VPS26C: variants seen among roughly 807,000 people sequenced by gnomAD.
VPS26C encodes vacuolar protein sorting-associated protein 26C.
VPS26C carries 19 observed loss-of-function variants against 30.6 expected under a neutral mutation model. That is an observed-to-expected ratio of 0.62 (90% CI 0.43 to 0.91). VPS26C has a LOEUF of 0.91. Ranked by LOEUF, VPS26C falls within the 40% of genes least tolerant of loss-of-function variation. VPS26C has a pLI of 0.00. For missense variants in VPS26C, 318 were observed against 385.1 expected (o/e 0.83, Z 1.46); for synonymous variants, 132 against 151.5 (o/e 0.87, Z 0.95).
Position 37,233,591 on chromosome 21 carries a change from TA to T in VPS26C, c.352-150del. 2 of 606,790 alleles carry T rather than the reference TA, an allele frequency of 3.3e-6. No homozygotes were observed. The highest frequency in any genetic ancestry group is 3.0e-6 in the Non-Finnish European group (1 of 335,972). The allele number at this position is 606,790 out of a possible 1,614,324, so 37.6% of individuals were successfully genotyped here. A position where few individuals can be genotyped will look rare whatever the true frequency, so the allele number is the denominator to read the frequency against. On this transcript the variant is annotated intron_variant, in intron 3 of 7. Transcript: ENST00000309117. The surrounding 1 kb of genome is among the most constrained non-coding windows in gnomAD (Gnocchi z 5.2). ...TAGAAAATTAACATACATAATATAATACATAATAGGATAGTTAATGTTCAAA... is the reference window on the plus strand; with the variant it reads ...TAGAAAATTAACATACATAATATAATCATAATAGGATAGTTAATGTTCAAA...
At chr21:37,237,659 T>C (rs2086039057) in intron 3 of VPS26C, 1 of 152,276 alleles carries the variant, frequency 6.6e-6, no homozygotes, top group African/African-American at 2.4e-5. Flanking sequence ...TCTTAGGCAA[T>C]TCATAAAACT....
At chr21:37,251,982 C>A (rs910852659) in intron 1 of VPS26C, among the ~76,000 whole-genome samples, 9 of 152,204 alleles carry the variant, frequency 5.9e-5, no homozygotes, top group Non-Finnish European at 1.2e-4. Context: ...CAGTGGGATG[C>A]ACCATGACAG....
intron 1 of VPS26C, among the ~76,000 whole-genome samples, chr21:37,241,958 A>G (rs2086092267): frequency 6.6e-6 from 1 of 152,234 alleles, no homozygotes; most frequent in Non-Finnish European, 1.5e-5. Context: ...TTCTTACTTT[A>G]ACTTGAATTT....
chr21:37,228,164 C>G, intron 6 of VPS26C, 59 bp downstream of exon 6: 2 of 1,580,350 alleles, frequency 1.3e-6, no homozygotes, highest in Non-Finnish European at 1.7e-6. Flanking sequence ...AACCATGGAA[C>G]GTGAGGGTGG....
At chr21:37,237,928 C>T (rs2086041732) in intron 3 of VPS26C, among the ~76,000 whole-genome samples, 2 of 152,238 alleles carry the variant, frequency 1.3e-5, no homozygotes, top group African/African-American at 4.8e-5. Flanking sequence ...GCTATCTCAC[C>T]CCGCGTGGAC....
At position 37,233,244 on chromosome 21, in the gene VPS26C, T is replaced by C; in HGVS notation, c.432+118A>G. On this transcript the variant is annotated intron_variant, in intron 4 of 7. Transcript: ENST00000309117. This position sits in a 1 kb window ranked among gnomAD's most constrained non-coding sequence, Gnocchi z 5.2. ...TCTCTGACCCAGAAGTCTTGTGTCT[T>C]CTGCCAGCACCCGTGAAACAGTAAG... 1 of 840,972 alleles carries C rather than the reference T, an allele frequency of 1.2e-6. No individual in the cohort carries two copies. The highest frequency in any genetic ancestry group is 1.5e-5 in the South Asian group (1 of 66,906). 52.1% of individuals were successfully genotyped at this position (840,972 alleles called of 1,614,324 possible). A position where few individuals can be genotyped will look rare whatever the true frequency, so the allele number is the denominator to read the frequency against.
chr21:37,256,912 G>A (rs2086248975), intron 1 of VPS26C, among the ~76,000 whole-genome samples: 1 of 152,178 alleles, frequency 6.6e-6, no homozygotes, highest in Admixed American at 6.5e-5. Context: ...GAGACCAGAA[G>A]ATCGCTTGAG....
chr21:37,243,216 A>C (rs1208174484), intron 1 of VPS26C, among the ~76,000 whole-genome samples: 1 of 152,180 alleles, frequency 6.6e-6, no homozygotes, highest in Admixed American at 6.5e-5. Flanking sequence ...GGAAGACATA[A>C]GATTTATGGC....
chr21:37,250,613 C>G (rs2148300342), intron 1 of VPS26C, among the ~76,000 whole-genome samples: 1 of 67,526 alleles, frequency 1.5e-5, no homozygotes, highest in South Asian at 6.6e-4. Flanking sequence ...TAAAAGAAAT[C>G]AATGAAAGGC....
rs1271130494 is a variant in VPS26C, at chr21:37,267,314, C to T, written c.-20G>A. The T allele has an allele frequency of 2.0e-5, 32 of 1,611,832 alleles. No individual in the cohort carries two copies. Among genetic ancestry groups the T allele is most frequent in the Non-Finnish European group, 2.7e-5 (32 of 1,178,346 alleles). ...CCCCATCTCCAATTCTCCGCAGCAG[C>T]CGCCACTTCCGGCTGCGCGTGACCC... is the stretch of plus-strand genomic sequence containing the variant. On this transcript the variant is annotated 5_prime_UTR_variant, in exon 1 of 8. Coordinates refer to ENST00000309117, the MANE Select transcript of VPS26C (RefSeq NM_006052.2).
intron 1 of VPS26C, among the ~76,000 whole-genome samples, chr21:37,264,524 G>GT (rs1339077463): frequency 6.6e-6 from 1 of 152,198 alleles, no homozygotes; most frequent in Non-Finnish European, 1.5e-5. Context: ...CCCAGCTGGA[G>GT]TAACATTTCT....
intron 5 of VPS26C, among the ~76,000 whole-genome samples, chr21:37,229,950 C>T (rs1159950428): frequency 6.6e-6 from 1 of 152,198 alleles, no homozygotes; most frequent in Non-Finnish European, 1.5e-5. Flanking sequence ...TCACTGCAGC[C>T]TCACCTCCTG....
At chr21:37,239,337 TTC>T (rs1267905447) in intron 2 of VPS26C, among the ~76,000 whole-genome samples, 1 of 152,234 alleles carries the variant, frequency 6.6e-6, no homozygotes, top group Non-Finnish European at 1.5e-5. Flanking sequence ...GAATGCACCT[TTC>T]TCTGTCTTCA....
At chr21:37,267,785 C>G (rs1037396357), upstream of VPS26C, 2 of 180,292 alleles carry the variant, frequency 1.1e-5, no homozygotes, top group African/African-American at 4.8e-5. Context: ...GAGGTTTTAA[C>G]TTGGTAATGC....
intron 7 of VPS26C, 77 bp from the exon 8 acceptor site, chr21:37,225,703 G>T: frequency 1.6e-6 from 2 of 1,274,372 alleles, no homozygotes; most frequent in Admixed American, 3.5e-5. Context: ...CACTGCAGTC[G>T]CAGGAAGCTC....
chr21:37,238,332 A>C, intron 3 of VPS26C, 128 bp downstream of exon 3: 1 of 1,044,394 alleles, frequency 9.6e-7, no homozygotes. Flanking sequence ...TCGAATATAC[A>C]TGCGAGGTCT....
intron 1 of VPS26C, among the ~76,000 whole-genome samples, chr21:37,259,270 T>C (rs2086279708): frequency 6.6e-6 from 1 of 150,658 alleles, no homozygotes. Flanking sequence ...TAATGAACTG[T>C]TATGTATAGG....
At chr21:37,235,097 C>G (rs2086006602) in intron 3 of VPS26C, among the ~76,000 whole-genome samples, 1 of 152,010 alleles carries the variant, frequency 6.6e-6, no homozygotes, top group South Asian at 2.1e-4. Context: ...AACTCTGCCT[C>G]CTGGGTTCAA....
intron 1 of VPS26C, among the ~76,000 whole-genome samples, chr21:37,255,380 C>G (rs948133942): frequency 6.6e-6 from 1 of 152,084 alleles, no homozygotes; most frequent in African/African-American, 2.4e-5. Context: ...AAACCATAAA[C>G]GTAAATAAGA....
Sources: allele counts gnomAD v4.1 joint callset (sites outside exome capture counted in the v4.1 genomes callset), GRCh38; gene constraint gnomAD v4.1.1; non-coding constraint Gnocchi (gnomAD v3.1); transcripts MANE v1.5; gene names NCBI Gene and HGNC (gene_info 2026-07-23, HGNC 2026-07-21).